The following SAMMSON variants were observed in gnomAD, a reference collection of about 807,000 sequenced individuals.
SAMMSON encodes long intergenic non-protein coding RNA 1212.
At chr3:70,170,670 A>T (rs1048604788) in intron 4 of SAMMSON, among the ~76,000 whole-genome samples, 1 of 145,018 alleles carries the variant, frequency 6.9e-6, no homozygotes, top group East Asian at 2.0e-4. Flanking sequence ...AAAAATTTTT[A>T]AAAGGAAATT....
At chr3:70,009,300 A>G (rs1268002718) in intron 1 of SAMMSON, 1 of 151,996 alleles carries the variant, frequency 6.6e-6, no homozygotes, top group East Asian at 1.9e-4. Flanking sequence ...GCTATTAATT[A>G]TTGCCTCAAT....
At chr3:70,268,770 T>C (rs1221388015) in intron 6 of SAMMSON, among the ~76,000 whole-genome samples, 1 of 152,226 alleles carries the variant, frequency 6.6e-6, no homozygotes, top group Non-Finnish European at 1.5e-5. Context: ...GTATCTACTT[T>C]ATATCTGATT....
intron 2 of SAMMSON, among the ~76,000 whole-genome samples, chr3:70,411,375 A>C (rs1250361121): frequency 6.6e-6 from 1 of 152,216 alleles, no homozygotes; most frequent in African/African-American, 2.4e-5. Flanking sequence ...AGTCTTGAAC[A>C]TTTCAGTACA....
intron 4 of SAMMSON, among the ~76,000 whole-genome samples, chr3:70,216,596 G>A (rs921562680): frequency 3.3e-5 from 5 of 152,088 alleles, no homozygotes; most frequent in African/African-American, 1.2e-4. Flanking sequence ...TCTAGATAGA[G>A]ATTTTTTAAG....
intron 4 of SAMMSON, among the ~76,000 whole-genome samples, chr3:70,202,425 CTTG>C (rs1039010574): frequency 1.3e-5 from 2 of 152,222 alleles, no homozygotes; most frequent in Middle Eastern, 3.4e-3. Flanking sequence ...GGAGAGCCTT[CTTG>C]TTGTTGCTAA....
chr3:70,000,064 C>T lies in SAMMSON; in HGVS notation n.22+197C>T, dbSNP rs111423012. 7.6e-3 allele frequency among the ~76,000 whole-genome samples: 1,153 copies of T among 152,286 alleles called. 11 individuals are homozygous for T. Among genetic ancestry groups the T allele is most frequent in the African/African-American group, 0.026 (1,078 of 41,560 alleles). ...GCGAGAAATCCGGGGATACAGAAAG[C>T]CCTCTGTCCTTGCGATAAGGTAGAG... On this transcript the variant is annotated intron_variant and non_coding_transcript_variant, in intron 1 of 9. Transcript: ENST00000642114.
intron 3 of SAMMSON, among the ~76,000 whole-genome samples, chr3:70,028,143 T>TTTCCTTCCTTCCTTCCTTCC (rs540467067): frequency 2.3e-4 from 30 of 130,850 alleles, no homozygotes; most frequent in African/African-American, 8.8e-4. Flanking sequence ...TCCTTCCTTC[T>TTTCCTTCCTTCCTTCCTTCC]TTCCTTCCTT....
At chr3:70,433,724 CA>C (rs1246940622) in intron 2 of SAMMSON, among the ~76,000 whole-genome samples, 1 of 151,942 alleles carries the variant, frequency 6.6e-6, no homozygotes, top group Non-Finnish European at 1.5e-5. Flanking sequence ...AAAAAATCAA[CA>C]AACCCAAGGT....
chr3:70,107,884 G>A (rs2067373390), intron 4 of SAMMSON, among the ~76,000 whole-genome samples: 1 of 152,064 alleles, frequency 6.6e-6, no homozygotes, highest in African/African-American at 2.4e-5. Flanking sequence ...CCTGCAATGT[G>A]TTAGGTGAGA....
chr3:70,396,979 T>A (rs1213097140), intron 2 of SAMMSON, among the ~76,000 whole-genome samples: 1 of 152,208 alleles, frequency 6.6e-6, no homozygotes, highest in Non-Finnish European at 1.5e-5. Flanking sequence ...AAGTGAAAAG[T>A]ACATTTTATA....
chr3:70,039,563 G>A (rs896990262), intron 3 of SAMMSON, among the ~76,000 whole-genome samples: 2 of 149,836 alleles, frequency 1.3e-5, no homozygotes, highest in Non-Finnish European at 3.0e-5. Context: ...AATTGCAATC[G>A]TGTGATCCAA....
intron 7 of SAMMSON, among the ~76,000 whole-genome samples, chr3:70,324,531 T>C (rs535279045): frequency 8.5e-5 from 13 of 152,292 alleles, no homozygotes; most frequent in African/African-American, 3.1e-4. Flanking sequence ...AAGGCTTTTG[T>C]AAAGCTATGC....
At chr3:70,025,984 G>C (rs1313235268) in intron 3 of SAMMSON, among the ~76,000 whole-genome samples, 1 of 152,054 alleles carries the variant, frequency 6.6e-6, no homozygotes, top group East Asian at 1.9e-4. Context: ...AAGAAAATCA[G>C]CATATAATTG....
intron 7 of SAMMSON, among the ~76,000 whole-genome samples, chr3:70,323,693 C>T (rs1575625784): frequency 6.6e-6 from 1 of 152,132 alleles, no homozygotes; most frequent in Non-Finnish European, 1.5e-5. Context: ...TGTTTTATTA[C>T]ATTGGGAAGA....
rs774550675 is a variant in SAMMSON at position 70,020,549 on chromosome 3, CAG to C, written n.417+6880_417+6881del. 5.3e-5 allele frequency among the ~76,000 whole-genome samples: 8 copies of C among 152,208 alleles called. No homozygotes were observed. The East Asian group carries it at 9.7e-4, about 18-fold the overall frequency. Reference sequence around the variant, plus strand: ...GTCAAAGAGGTGGTGGTGTTTATTGCAGAGTCTTCCCATCCCTGTGCAGCTTG... The same window carrying C: ...GTCAAAGAGGTGGTGGTGTTTATTGCAGTCTTCCCATCCCTGTGCAGCTTG... On this transcript the variant is annotated intron_variant and non_coding_transcript_variant, in intron 3 of 9. Coordinates refer to ENST00000642114, the Ensembl canonical transcript of SAMMSON.
At chr3:70,370,420 C>T (rs1343164603) in intron 9 of SAMMSON, among the ~76,000 whole-genome samples, 1 of 152,034 alleles carries the variant, frequency 6.6e-6, no homozygotes, top group Non-Finnish European at 1.5e-5. Context: ...TTTTCAGTCC[C>T]ATCAACAGTG....
downstream of SAMMSON, among the ~76,000 whole-genome samples, chr3:70,394,144 G>C (rs1701072193): frequency 6.6e-6 from 1 of 152,144 alleles, no homozygotes; most frequent in Non-Finnish European, 1.5e-5. Flanking sequence ...TGAAGGAGCA[G>C]CAGCCACTGA....
intron 4 of SAMMSON, among the ~76,000 whole-genome samples, chr3:70,198,441 T>C (rs987584870): frequency 6.6e-6 from 1 of 152,214 alleles, no homozygotes; most frequent in African/African-American, 2.4e-5. Context: ...CATATAATAG[T>C]CTTTAAGTGA....
At chr3:70,138,383 G>C (rs1028570725) in intron 4 of SAMMSON, among the ~76,000 whole-genome samples, 1 of 152,202 alleles carries the variant, frequency 6.6e-6, no homozygotes, top group Non-Finnish European at 1.5e-5. Flanking sequence ...CAGATTCAGA[G>C]ACCCACTTCC....
Sources: allele counts gnomAD v4.1 joint callset (sites outside exome capture counted in the v4.1 genomes callset), GRCh38; gene constraint gnomAD v4.1.1; transcripts MANE v1.5; gene names NCBI Gene and HGNC (gene_info 2026-07-23, HGNC 2026-07-21).